PGBD5: variants seen among roughly 807,000 people sequenced by gnomAD.
The protein encoded by PGBD5 is piggyBac transposable element-derived protein 5.
PGBD5 carries 14 observed loss-of-function variants against 47.9 expected under a neutral mutation model. That is an observed-to-expected ratio of 0.29 (90% CI 0.19 to 0.46). The LOEUF is 0.46. Ranked by LOEUF, PGBD5 falls within the 20% of genes least tolerant of loss-of-function variation. The probability of loss-of-function intolerance (pLI) is 1.00; values close to 1 mark genes in which losing one functional copy is unlikely to be tolerated. For missense variants in PGBD5, 635 were observed against 716.0 expected, an observed-to-expected ratio of 0.89 and a Z score of 1.29; for synonymous variants, 316 against 306.3, an observed-to-expected ratio of 1.03 and a Z score of -0.33.
intron 3 of PGBD5, among the ~76,000 whole-genome samples, chr1:230,338,625 C>T (rs796770841): frequency 6.6e-6 from 1 of 151,988 alleles, no homozygotes; most frequent in African/African-American, 2.4e-5. Flanking sequence ...ATGGTGAAAC[C>T]CCGTCTCTAT....
rs1657754328 is a variant in PGBD5, at chr1:230,425,451, C to T, written c.331+147G>A. The T allele has an allele frequency of 3.4e-6, 2 of 583,190 alleles. No homozygotes were observed. Among genetic ancestry groups the T allele is most frequent in the East Asian group, 3.9e-5 (1 of 25,904 alleles). 36.1% of individuals were successfully genotyped at this position (583,190 alleles called of 1,614,324 possible). A position where few individuals can be genotyped will look rare whatever the true frequency, so the allele number is the denominator to read the frequency against. ...AGCCCCCAGGAGCAGTCAGACCGATCACCGCTCCTGCAGCCTCATTTGTTT... is the reference window on the plus strand; with the variant it reads ...AGCCCCCAGGAGCAGTCAGACCGATTACCGCTCCTGCAGCCTCATTTGTTT... On this transcript the variant is annotated intron_variant, in intron 1 of 6. Transcript: ENST00000391860. This position sits in a 1 kb window ranked among gnomAD's most constrained non-coding sequence, Gnocchi z 4.7.
chr1:230,379,547 TTTTCAGTTTCAGCTG>T, intron 1 of PGBD5, among the ~76,000 whole-genome samples: 1 of 152,250 alleles, frequency 6.6e-6, no homozygotes. Context: ...TTTCTGTACC[TTTTCAGTTTCAGCTG>T]TACTAAAATA....
chr1:230,355,133 T>C (rs1667616228), intron 2 of PGBD5, among the ~76,000 whole-genome samples: 1 of 152,186 alleles, frequency 6.6e-6, no homozygotes, highest in African/African-American at 2.4e-5. Context: ...ACCCCGGTAC[T>C]GCCCATCTGA....
chr1:230,356,594 C>A (rs1355479427), intron 2 of PGBD5, among the ~76,000 whole-genome samples: 1 of 152,152 alleles, frequency 6.6e-6, no homozygotes, highest in Non-Finnish European at 1.5e-5. Context: ...AGCAAAACAC[C>A]ATTTGGAAAG....
intron 1 of PGBD5, among the ~76,000 whole-genome samples, chr1:230,401,881 A>C (rs2102742142): frequency 6.6e-6 from 1 of 152,262 alleles, no homozygotes; most frequent in South Asian, 2.1e-4. Flanking sequence ...GCTGACATCC[A>C]CAACTGCTCC....
intron 1 of PGBD5, among the ~76,000 whole-genome samples, chr1:230,368,968 G>A (rs1044829627): frequency 2.0e-5 from 3 of 152,236 alleles, no homozygotes; most frequent in African/African-American, 7.2e-5. Flanking sequence ...TACCATTTTT[G>A]TAACCCTATC....
At chr1:230,421,005 C>T (rs960226056) in intron 1 of PGBD5, among the ~76,000 whole-genome samples, 4 of 151,942 alleles carry the variant, frequency 2.6e-5, no homozygotes, top group Non-Finnish European at 4.4e-5. Flanking sequence ...ATAGTGAGAC[C>T]GTGCCTCTAA....
Position 230,374,917 on chromosome 1 carries a change from T to G in PGBD5, c.332-17596A>C, listed in dbSNP as rs76415459. On this transcript the variant is annotated intron_variant, in intron 1 of 6. Transcript: ENST00000391860. ...TTAAATAGGAGGCCACAGGAGCCCA[T>G]GAGGAGAGAGCAGGCATGGGGTCCA... 5.0e-3 allele frequency among the ~76,000 whole-genome samples: 768 copies of G among 152,308 alleles called. 6 individuals carry two copies. The highest frequency in any genetic ancestry group is 0.018 in the African/African-American group (742 of 41,558).
chr1:230,336,091 C>G (rs953390373), intron 4 of PGBD5: 3 of 152,198 alleles, frequency 2.0e-5, no homozygotes, highest in Admixed American at 2.0e-4. Context: ...ATGGCAGTCC[C>G]GGTTCTCACC....
At chr1:230,402,325 G>C in intron 1 of PGBD5, among the ~76,000 whole-genome samples, 1 of 152,216 alleles carries the variant, frequency 6.6e-6, no homozygotes, top group Non-Finnish European at 1.5e-5. Context: ...GCCTCTCCTC[G>C]CTGCCCTCGA....
chr1:230,403,240 G>A (rs985250781), intron 1 of PGBD5, among the ~76,000 whole-genome samples: 2 of 152,190 alleles, frequency 1.3e-5, no homozygotes, highest in African/African-American at 4.8e-5. Context: ...CCCAACGTCT[G>A]TTTCATGGGG....
intron 5 of PGBD5, among the ~76,000 whole-genome samples, chr1:230,331,480 G>C (rs1667213935): frequency 6.6e-6 from 1 of 152,026 alleles, no homozygotes; most frequent in Non-Finnish European, 1.5e-5. Context: ...TCTCAAACAT[G>C]TTCCCTGGAA....
chr1:230,357,017 G>C lies in PGBD5; in HGVS notation c.636C>G (p.Leu212=), dbSNP rs773731581. The part of the protein sequence containing the change: ...VMSQARFEKI[L]KYFHVVAFRS... ...GGAAGGCCACGACGTGGAAGTACTT[G>C]AGGATCTTCTCGAAGCGGGCCTGGC... The change falls in exon 2 of 7, where the codon CTC becomes CTG. Residue 212 remains leucine (L), a synonymous_variant. Coordinates refer to ENST00000391860, the MANE Select transcript of PGBD5 (RefSeq NM_001258311.2). The surrounding 1 kb of genome is among the most constrained non-coding windows in gnomAD (Gnocchi z 5.7). 2.4e-5 allele frequency: 39 copies of C among 1,614,086 alleles called. No individual in the cohort carries two copies. In the Admixed American group the frequency reaches 6.5e-4, roughly 27 times the overall value.
At chr1:230,390,998 C>T (rs559574226) in intron 1 of PGBD5, among the ~76,000 whole-genome samples, 1 of 152,212 alleles carries the variant, frequency 6.6e-6, no homozygotes, top group East Asian at 1.9e-4. Flanking sequence ...CCTTGGCCTC[C>T]CAAAGTACTG....
At chr1:230,325,202 T>A in intron 6 of PGBD5, 108 bp downstream of exon 6, 4 of 850,418 alleles carry the variant, frequency 4.7e-6, no homozygotes, top group Non-Finnish European at 7.5e-6. Flanking sequence ...AGGGTCTTCA[T>A]CCTGCAGTTC....
chr1:230,339,931 G>A (rs1667385367), intron 3 of PGBD5, among the ~76,000 whole-genome samples: 2 of 152,094 alleles, frequency 1.3e-5, no homozygotes, highest in Admixed American at 6.6e-5. Flanking sequence ...GTACCACATG[G>A]TGACTAAAGT....
intron 1 of PGBD5, among the ~76,000 whole-genome samples, chr1:230,362,649 C>T (rs1417527781): frequency 2.6e-5 from 4 of 152,106 alleles, no homozygotes; most frequent in Non-Finnish European, 5.9e-5. Context: ...TTGTGTGGCC[C>T]GTCTCCCGAC....
chr1:230,352,136 G>A (rs1446042192), intron 2 of PGBD5, among the ~76,000 whole-genome samples: 1 of 152,086 alleles, frequency 6.6e-6, no homozygotes, highest in Non-Finnish European at 1.5e-5. Context: ...TCTGGCCCAC[G>A]TCTGTTTTTG....
rs1657779253 is a variant in PGBD5, at chr1:230,426,117, GCTC to G, written c.-192_-190del. 4 of 155,182 alleles carry G rather than the reference GCTC, an allele frequency of 2.6e-5. No individual in the cohort carries two copies. The Admixed American group carries it at 2.7e-4, about 11-fold the overall frequency. 9.6% of individuals were successfully genotyped at this position (155,182 alleles called of 1,614,324 possible). On this transcript the variant is annotated 5_prime_UTR_variant, in exon 1 of 7. Coordinates refer to ENST00000391860, the MANE Select transcript of PGBD5 (RefSeq NM_001258311.2). Reference sequence around the variant, plus strand: ...CAGCGCCCGGGGAAGCGCCCTCGGAGCTCGGGCGCCGCAGGCTGCGGGCCGCGG... The same window carrying G: ...CAGCGCCCGGGGAAGCGCCCTCGGAGGGGCGCCGCAGGCTGCGGGCCGCGG...
Sources: gnomAD v4.1 joint callset for allele counts (sites outside exome capture counted in the v4.1 genomes callset) on GRCh38, gnomAD v4.1.1 for gene constraint, Gnocchi (gnomAD v3.1) non-coding constraint, MANE v1.5 for transcripts, NCBI Gene and HGNC (gene_info 2026-07-23, HGNC 2026-07-21) for gene names.